The following SHISA9 variants were observed in gnomAD, a reference collection of about 807,000 sequenced individuals.
The protein encoded by SHISA9 is shisa family member 9.
In SHISA9, 13 loss-of-function variants were observed where a neutral mutation model predicts 38.0. The observed-to-expected ratio is 0.34, with a 90% CI of 0.22 to 0.54. The LOEUF (loss-of-function observed/expected upper bound fraction) is 0.54, where lower values mean the gene tolerates loss of function less well. Ranked by LOEUF, SHISA9 falls within the 20% of genes least tolerant of loss-of-function variation. The probability of loss-of-function intolerance (pLI) is 0.91; values close to 1 mark genes in which losing one functional copy is unlikely to be tolerated. For missense variants in SHISA9, 538 were observed against 575.8 expected, an observed-to-expected ratio of 0.93 and a Z score of 0.67; for synonymous variants, 275 against 242.0, an observed-to-expected ratio of 1.14 and a Z score of -1.27.
chr16:13,325,998 C>T, the SHISA9 span, among the ~76,000 whole-genome samples: 18 of 149,914 alleles, frequency 1.2e-4, no homozygotes, highest in Non-Finnish European at 2.5e-4. Flanking sequence ...AGCAAACCAC[C>T]ATGGAACATG....
intron 2 of SHISA9, among the ~76,000 whole-genome samples, chr16:13,145,845 CA>C (rs1263048841): frequency 6.6e-6 from 1 of 152,102 alleles, no homozygotes; most frequent in African/African-American, 2.4e-5. Context: ...ACAAAACACA[CA>C]AAAAAATTCT....
chr16:12,904,711 G>A (rs2071070076), intron 1 of SHISA9, among the ~76,000 whole-genome samples: 1 of 152,146 alleles, frequency 6.6e-6, no homozygotes, highest in South Asian at 2.1e-4. Flanking sequence ...CCCGAAAAGA[G>A]AGTTGTTGAT....
chr16:13,064,567 A>T (rs536029372), intron 2 of SHISA9, among the ~76,000 whole-genome samples: 1 of 152,344 alleles, frequency 6.6e-6, no homozygotes, highest in East Asian at 1.9e-4. Context: ...TGATATAAGG[A>T]TCATTATATG....
chr16:12,926,854 A>G (rs1415538714), intron 2 of SHISA9, among the ~76,000 whole-genome samples: 1 of 152,178 alleles, frequency 6.6e-6, no homozygotes. Context: ...GGGGAGGACT[A>G]TTTGTCTTAC....
At chr16:13,451,974 A>G in the SHISA9 span, among the ~76,000 whole-genome samples, 1 of 152,224 alleles carries the variant, frequency 6.6e-6, no homozygotes, top group Non-Finnish European at 1.5e-5. Flanking sequence ...CTGCTTTTGC[A>G]AAGAAGTATG....
In SHISA9 at chr16:13,240,357, A is replaced by C. The variant is rs1049382076; in HGVS notation, c.*4948A>C. The stretch of plus-strand genomic sequence containing the variant: ...TTTCTAAGAATGTTTATTTGTAAAC[A>C]TATGTATTCACTATATTAATATGAA... On this transcript the variant is annotated 3_prime_UTR_variant, in exon 5 of 5. Transcript: ENST00000558583. 5 of 152,252 alleles carry C rather than the reference A, an allele frequency of 3.3e-5. No homozygotes were observed. Among genetic ancestry groups the C allele is most frequent in the African/African-American group, 1.2e-4 (5 of 41,468 alleles). 9.4% of individuals were successfully genotyped at this position (152,252 alleles called of 1,614,324 possible). A position where few individuals can be genotyped will look rare whatever the true frequency, so the allele number is the denominator to read the frequency against.
the SHISA9 span, among the ~76,000 whole-genome samples, chr16:13,392,876 T>C: frequency 6.6e-6 from 1 of 152,150 alleles, no homozygotes; most frequent in South Asian, 2.1e-4. Flanking sequence ...CTGGAAGGGA[T>C]TCTCTTACTC....
At chr16:13,280,111 CTT>C in the SHISA9 span, among the ~76,000 whole-genome samples, 9 of 110,200 alleles carry the variant, frequency 8.2e-5, 1 homozygote, top group South Asian at 1.3e-3. Flanking sequence ...TCTTCTCTCT[CTT>C]TCTCTTTTTT....
At chr16:13,417,354 T>G in the SHISA9 span, among the ~76,000 whole-genome samples, 1 of 152,064 alleles carries the variant, frequency 6.6e-6, no homozygotes, top group Non-Finnish European at 1.5e-5. Flanking sequence ...TTTTGTCACT[T>G]GCGTTATTTG....
At chr16:13,379,826 T>C in the SHISA9 span, among the ~76,000 whole-genome samples, 1 of 152,200 alleles carries the variant, frequency 6.6e-6, no homozygotes, top group Non-Finnish European at 1.5e-5. Context: ...GAGCTAATTC[T>C]GTCAAATTCT....
At chr16:13,485,306 C>A in the SHISA9 span, among the ~76,000 whole-genome samples, 15 of 152,060 alleles carry the variant, frequency 9.9e-5, no homozygotes, top group African/African-American at 3.6e-4. Context: ...GTTTTCTGTT[C>A]CTGTGTTAGT....
chr16:12,971,484 A>G (rs2072081603), intron 2 of SHISA9, among the ~76,000 whole-genome samples: 1 of 152,206 alleles, frequency 6.6e-6, no homozygotes, highest in Non-Finnish European at 1.5e-5. Flanking sequence ...TGAGTCAGCC[A>G]CTGAAGCTTG....
At chr16:13,449,444 G>A in the SHISA9 span, among the ~76,000 whole-genome samples, 3 of 152,064 alleles carry the variant, frequency 2.0e-5, no homozygotes, top group Admixed American at 6.6e-5. Context: ...TAACTTCCTG[G>A]GGGTAAGGGG....
chr16:13,070,148 GTGTGTGCA>G (rs2073495054), intron 2 of SHISA9, among the ~76,000 whole-genome samples: 1 of 151,632 alleles, frequency 6.6e-6, no homozygotes, highest in Non-Finnish European at 1.5e-5. Context: ...GTGTGTGTGT[GTGTGTGCA>G]CGCATGTGTC....
At chr16:13,365,306 G>A in the SHISA9 span, among the ~76,000 whole-genome samples, 7 of 152,140 alleles carry the variant, frequency 4.6e-5, no homozygotes, top group Non-Finnish European at 7.4e-5. Flanking sequence ...CTCTGGCAAG[G>A]AGGACCTACA....
the SHISA9 span, among the ~76,000 whole-genome samples, chr16:13,513,253 GA>G: frequency 7.9e-5 from 12 of 152,196 alleles, no homozygotes; most frequent in East Asian, 2.3e-3. Context: ...AAACATATGA[GA>G]AAAAGCTCAA....
rs113295248 is a variant in SHISA9, at chr16:13,224,033, A to G, written c.895+10733A>G. On this transcript the variant is annotated intron_variant, in intron 4 of 4. Coordinates refer to ENST00000558583, the MANE Select transcript of SHISA9 (RefSeq NM_001145204.3). ...TCTGAGCCTCAGTTTCCCTACTTATAAAATAAAACCAATGGTAACACCTAC... is the reference window on the plus strand; with the variant it reads ...TCTGAGCCTCAGTTTCCCTACTTATGAAATAAAACCAATGGTAACACCTAC... 3.2e-3 allele frequency among the ~76,000 whole-genome samples: 493 copies of G among 152,332 alleles called. 5 individuals are homozygous for G. The highest frequency in any genetic ancestry group is 0.014 in the Middle Eastern group (4 of 294).
chr16:12,914,412 A>G (rs1416613317), intron 1 of SHISA9, among the ~76,000 whole-genome samples: 5 of 152,124 alleles, frequency 3.3e-5, no homozygotes. Flanking sequence ...AGCTCCAGGA[A>G]GGCAGCAACC....
At chr16:13,302,919 C>A in the SHISA9 span, among the ~76,000 whole-genome samples, 1 of 152,154 alleles carries the variant, frequency 6.6e-6, no homozygotes, top group Admixed American at 6.5e-5. Context: ...CCTTTACACG[C>A]TCTCTCTCAC....
Sources: allele counts gnomAD v4.1 joint callset (sites outside exome capture counted in the v4.1 genomes callset), GRCh38; gene constraint gnomAD v4.1.1; transcripts MANE v1.5; gene names NCBI Gene and HGNC (gene_info 2026-07-23, HGNC 2026-07-21).